Variants in PRLR observed in about 807,000 individuals in gnomAD.
The protein encoded by PRLR is hPRL receptor.
Under a neutral mutation model 40.2 loss-of-function variants are expected in PRLR, and 13 were observed. That is an observed-to-expected ratio of 0.32 (90% CI 0.21 to 0.51). The LOEUF is 0.51. PRLR is among the 20% of genes least tolerant of loss of function. The pLI, the probability that PRLR is intolerant of heterozygous loss-of-function variation, is 0.97. For missense variants in PRLR, 656 were observed against 747.3 expected (o/e 0.88, Z 1.42); for synonymous variants, 269 against 278.7 (o/e 0.97, Z 0.35).
At chr5:35,192,772 T>C (rs765557012) in intron 1 of PRLR, among the ~76,000 whole-genome samples, 2 of 152,226 alleles carry the variant, frequency 1.3e-5, no homozygotes, top group Non-Finnish European at 2.9e-5. Context: ...ATGCTGTATC[T>C]TTCACATAGA....
chr5:35,120,074 G>A (rs1389339388), intron 1 of PRLR, among the ~76,000 whole-genome samples: 1 of 152,120 alleles, frequency 6.6e-6, no homozygotes, highest in Non-Finnish European at 1.5e-5. Context: ...TGTGCCCTGT[G>A]AGTCTGACTC....
At position 35,062,706 on chromosome 5, in the gene PRLR, T is replaced by C. The variant is rs908548233; in HGVS notation, c.*2383A>G. On this transcript the variant is annotated 3_prime_UTR_variant, in exon 10 of 10. Coordinates refer to ENST00000618457, the MANE Select transcript of PRLR (RefSeq NM_000949.7). ...AGACTATGTTAGGAAAGATTTAGTC[T>C]GCATTGGCTTTGAGGGTGACTGTCT... The C allele has an allele frequency of 3.3e-5, 5 of 152,238 alleles. No individual in the cohort carries two copies. Among genetic ancestry groups the C allele is most frequent in the Non-Finnish European group, 4.4e-5 (3 of 68,042 alleles). 9.4% of individuals were successfully genotyped at this position (152,238 alleles called of 1,614,324 possible).
rs111678090 is a variant in PRLR at position 35,150,930 on chromosome 5, G to A, written c.-105-32808C>T. The stretch of plus-strand genomic sequence containing the variant: ...GCATTCCCTCCAGGAACAAGCTACT[G>A]ATAGTTGCTAATAGTAGGCATATAA... On this transcript the variant is annotated intron_variant, in intron 1 of 9. Coordinates refer to ENST00000618457, the MANE Select transcript of PRLR (RefSeq NM_000949.7). Among the ~76,000 whole-genome samples the A allele has an allele frequency of 5.4e-3, 821 of 152,306 alleles. 1 individual carries two copies. Among genetic ancestry groups the A allele is most frequent in the Admixed American group, 9.5e-3 (145 of 15,296 alleles).
intron 5 of PRLR, among the ~76,000 whole-genome samples, chr5:35,078,019 A>C (rs1036140504): frequency 3.9e-5 from 6 of 152,248 alleles, no homozygotes; most frequent in Non-Finnish European, 4.4e-5. Context: ...GAACAAAGAC[A>C]CAACATACCA....
chr5:35,098,001 G>A (rs1188501816), intron 2 of PRLR, among the ~76,000 whole-genome samples: 2 of 152,136 alleles, frequency 1.3e-5, no homozygotes, highest in Non-Finnish European at 2.9e-5. Flanking sequence ...TAGAGGCATT[G>A]GGGGTGTGAT....
intron 1 of PRLR, among the ~76,000 whole-genome samples, chr5:35,220,424 G>A (rs1776386729): frequency 6.6e-6 from 1 of 152,144 alleles, no homozygotes; most frequent in Non-Finnish European, 1.5e-5. Flanking sequence ...GTACTGATGT[G>A]CTAGCTTGAA....
chr5:35,089,712 G>T, intron 2 of PRLR, 49 bp from the exon 3 acceptor site: 1 of 1,175,354 alleles, frequency 8.5e-7, no homozygotes, highest in African/African-American at 1.5e-5. Flanking sequence ...AGTCTGGTCA[G>T]GCACATCCAC....
chr5:35,204,189 G>A (rs1205991567), intron 1 of PRLR, among the ~76,000 whole-genome samples: 1 of 150,642 alleles, frequency 6.6e-6, no homozygotes, highest in Non-Finnish European at 1.5e-5. Context: ...TTCCAGCCTG[G>A]GTGACAAGAG....
intron 1 of PRLR, among the ~76,000 whole-genome samples, chr5:35,149,423 A>G (rs1774279293): frequency 6.6e-6 from 1 of 152,170 alleles, no homozygotes; most frequent in African/African-American, 2.4e-5. Flanking sequence ...TATTAATAAA[A>G]TTGTGCTCCA....
At chr5:35,194,187 A>T (rs573434232) in intron 1 of PRLR, among the ~76,000 whole-genome samples, 54 of 152,258 alleles carry the variant, frequency 3.5e-4, no homozygotes, top group Middle Eastern at 3.4e-3. Flanking sequence ...TTTAGAAGAG[A>T]CTTTGAAGGT....
intron 8 of PRLR, 117 bp downstream of exon 8, chr5:35,068,662 A>C: frequency 2.4e-6 from 2 of 826,058 alleles, no homozygotes; most frequent in South Asian, 3.6e-5. Flanking sequence ...CAAACACACT[A>C]CATCTAATGG....
chr5:35,083,376 C>T (rs1300858216), intron 5 of PRLR, among the ~76,000 whole-genome samples: 1 of 151,892 alleles, frequency 6.6e-6, no homozygotes, highest in Non-Finnish European at 1.5e-5. Context: ...TTGGAGATGA[C>T]CTTCCTGCAA....
rs1770693369 is a variant in PRLR at position 35,084,039 on chromosome 5, G to A, written c.373+431C>T. 2.6e-5 allele frequency among the ~76,000 whole-genome samples: 4 copies of A among 152,136 alleles called. No homozygotes were observed. In the East Asian group the frequency reaches 7.7e-4, roughly 29 times the overall value. On this transcript the variant is annotated intron_variant, in intron 5 of 9. Transcript: ENST00000618457. ...TATATGAGTTTGGGGCAAAGCAATG[G>A]GAGCAATTGCTGTGGGTGCAGAATC...
At chr5:35,136,772 T>C (rs747123918) in intron 1 of PRLR, among the ~76,000 whole-genome samples, 5 of 152,122 alleles carry the variant, frequency 3.3e-5, no homozygotes, top group Non-Finnish European at 7.3e-5. Flanking sequence ...GTTCTCAAAC[T>C]TCATCAGAAT....
intron 1 of PRLR, among the ~76,000 whole-genome samples, chr5:35,211,840 T>C (rs1776176101): frequency 6.6e-6 from 1 of 152,242 alleles, no homozygotes; most frequent in Non-Finnish European, 1.5e-5. Context: ...GACTGACATA[T>C]TAATAGGTTA....
chr5:35,222,471 C>T (rs1328576070), intron 1 of PRLR, among the ~76,000 whole-genome samples: 4 of 152,176 alleles, frequency 2.6e-5, no homozygotes, highest in Admixed American at 6.5e-5. Flanking sequence ...AGAGTCTTCA[C>T]TTCCCAGATG....
chr5:35,117,091 A>T (rs1039816527), intron 2 of PRLR, among the ~76,000 whole-genome samples: 2 of 152,160 alleles, frequency 1.3e-5, no homozygotes, highest in Non-Finnish European at 2.9e-5. Flanking sequence ...GCTGCTGAGC[A>T]TCAAATGATG....
rs923853346 is a variant in PRLR, at chr5:35,057,141, T to G, written c.*7948A>C. ...TTCACAATATTTAAATAAGCTTCTC[T>G]TATTGGATCTCCTTGTATCTGGTTC... On this transcript the variant is annotated 3_prime_UTR_variant, in exon 10 of 10. Transcript: ENST00000618457. 3.3e-5 allele frequency: 5 copies of G among 152,202 alleles called. No homozygotes were observed. Among genetic ancestry groups the G allele is most frequent in the African/African-American group, 1.2e-4 (5 of 41,452 alleles). The allele number at this position is 152,202 out of a possible 1,614,324, so 9.4% of individuals were successfully genotyped here. A position where few individuals can be genotyped will look rare whatever the true frequency, so the allele number is the denominator to read the frequency against.
intron 1 of PRLR, among the ~76,000 whole-genome samples, chr5:35,198,002 C>T (rs1280639562): frequency 6.6e-6 from 1 of 152,248 alleles, no homozygotes; most frequent in Non-Finnish European, 1.5e-5. Flanking sequence ...AGTATTGTGG[C>T]ATGGATGCCG....
Sources: gnomAD v4.1 joint callset for allele counts (sites outside exome capture counted in the v4.1 genomes callset) on GRCh38, gnomAD v4.1.1 for gene constraint, MANE v1.5 for transcripts, NCBI Gene and HGNC (gene_info 2026-07-23, HGNC 2026-07-21) for gene names.